Variants in CBFA2T2 observed in about 807,000 individuals in gnomAD.
CBFA2T2 encodes the protein CBFA2/RUNX1 partner transcriptional co-repressor 2, also known as protein CBFA2T2.
In CBFA2T2, 11 loss-of-function variants were observed where a neutral mutation model predicts 62.2. That is an observed-to-expected ratio of 0.18 (90% CI 0.11 to 0.29). The LOEUF is 0.29. CBFA2T2 is among the 10% of genes least tolerant of loss of function. The probability of loss-of-function intolerance (pLI) is 1.00; values close to 1 mark genes in which losing one functional copy is unlikely to be tolerated. For missense variants in CBFA2T2, 592 were observed against 774.1 expected (o/e 0.76, Z 2.79); for synonymous variants, 295 against 287.5 (o/e 1.03, Z -0.27).
chr20:33,510,732 A>G (rs1445445838), intron 1 of CBFA2T2, among the ~76,000 whole-genome samples: 1 of 152,160 alleles, frequency 6.6e-6, no homozygotes, highest in Non-Finnish European at 1.5e-5. Context: ...CAATGGTTGA[A>G]CTAGTTTACA....
At position 33,631,550 on chromosome 20, in the gene CBFA2T2, A is replaced by T. The variant is rs1406843338; in HGVS notation, c.1228+1636A>T. Among the ~76,000 whole-genome samples, 3 of 152,356 alleles carry T rather than the reference A, an allele frequency of 2.0e-5. No individual in the cohort carries two copies. In the East Asian group the frequency reaches 5.8e-4, roughly 29 times the overall value. ...GTGAGCCAGTGGTTGCTGAGCCAAGATACAGCTCTTGCTGGAGTCATTCAG... is the reference window on the plus strand; with the variant it reads ...GTGAGCCAGTGGTTGCTGAGCCAAGTTACAGCTCTTGCTGGAGTCATTCAG... On this transcript the variant is annotated intron_variant, in intron 8 of 10. Transcript: ENST00000342704.
intron 1 of CBFA2T2, among the ~76,000 whole-genome samples, chr20:33,497,412 G>A (rs2011213766): frequency 6.6e-6 from 1 of 151,872 alleles, no homozygotes; most frequent in African/African-American, 2.4e-5. Context: ...GGGTATTACA[G>A]CTATCCCTTG....
chr20:33,633,038 C>T (rs956493248), intron 8 of CBFA2T2, among the ~76,000 whole-genome samples: 2 of 152,028 alleles, frequency 1.3e-5, no homozygotes, highest in African/African-American at 2.4e-5. Context: ...GGATTACAGA[C>T]ATAAGCTACC....
In CBFA2T2 at chr20:33,611,267, C is replaced by G. The variant is rs1263149354; in HGVS notation, c.352C>G (p.Gln118Glu). 1.2e-6 allele frequency: 2 copies of G among 1,614,202 alleles called. No individual in the cohort carries two copies. Among genetic ancestry groups the G allele is most frequent in the Non-Finnish European group, 1.7e-6 (2 of 1,180,036 alleles). The part of the protein sequence containing the change: ...SKLKRFLTTL[Q>E]QFGNDISPEI... ...GTTGAAACGCTTTCTTACCACTCTG[C>G]AACAGTTTGGCAATGACATCTCCCC... The change falls in exon 3 of 11, where the codon CAA becomes GAA. Residue 118 changes from glutamine to glutamate, a missense_variant. Gln to Glu is a conservative substitution (Grantham distance 29). Around this residue, in one of 3 missense-constraint regions of CBFA2T2, gnomAD observed 449 missense variants for 551.2 expected, o/e 0.81. Coordinates refer to ENST00000342704, the MANE Select transcript of CBFA2T2 (RefSeq NM_001032999.3).
At chr20:33,626,019 G>A (rs531298061) in intron 6 of CBFA2T2, among the ~76,000 whole-genome samples, 4 of 152,092 alleles carry the variant, frequency 2.6e-5, no homozygotes, top group African/African-American at 4.8e-5. Flanking sequence ...GGAGAATGGC[G>A]TGAACCCAGA....
At chr20:33,584,290 G>C (rs1243378005) in intron 1 of CBFA2T2, among the ~76,000 whole-genome samples, 1 of 139,878 alleles carries the variant, frequency 7.1e-6, no homozygotes, top group African/African-American at 2.7e-5. Flanking sequence ...TTTTGAGACA[G>C]AGTCTCACTC....
intron 9 of CBFA2T2, chr20:33,638,597 A>AT (rs2016713591): frequency 2.0e-5 from 3 of 152,230 alleles, no homozygotes; most frequent in African/African-American, 7.2e-5. Flanking sequence ...CAGAGCCATA[A>AT]GATGGAAAGT....
At chr20:33,539,285 T>C (rs2012347184) in intron 1 of CBFA2T2, among the ~76,000 whole-genome samples, 1 of 152,252 alleles carries the variant, frequency 6.6e-6, no homozygotes, top group African/African-American at 2.4e-5. Flanking sequence ...GCCATGTGCC[T>C]GCAACACAGT....
At chr20:33,538,841 GTTGT>G (rs1171825517) in intron 1 of CBFA2T2, among the ~76,000 whole-genome samples, 8 of 146,070 alleles carry the variant, frequency 5.5e-5, no homozygotes, top group South Asian at 4.3e-4. Flanking sequence ...TTATCATATT[GTTGT>G]TTGTTTTTTT....
chr20:33,522,404 T>C (rs2011754549), intron 1 of CBFA2T2, among the ~76,000 whole-genome samples: 1 of 146,878 alleles, frequency 6.8e-6, no homozygotes, highest in South Asian at 2.1e-4. Flanking sequence ...CTAGTGTACA[T>C]GATCTCAGCT....
intron 1 of CBFA2T2, chr20:33,574,370 A>G: frequency 2.1e-6 from 2 of 971,252 alleles, no homozygotes; most frequent in Non-Finnish European, 3.0e-6. Context: ...TCACGCCTGT[A>G]ATCCCAGCAC....
chr20:33,570,966 C>A (rs982648077), intron 1 of CBFA2T2, among the ~76,000 whole-genome samples: 4 of 152,182 alleles, frequency 2.6e-5, no homozygotes, highest in Non-Finnish European at 5.9e-5. Flanking sequence ...TTTGTCGGGG[C>A]CCCAGGCTTC....
intron 10 of CBFA2T2, among the ~76,000 whole-genome samples, chr20:33,642,102 TGTC>T: frequency 9.9e-6 from 1 of 101,332 alleles, no homozygotes; most frequent in Non-Finnish European, 1.8e-5. Flanking sequence ...CCTCCTCCTT[TGTC>T]TTTTTTTTTT....
At chr20:33,494,038 A>G (rs1036117208) in intron 1 of CBFA2T2, among the ~76,000 whole-genome samples, 16 of 148,820 alleles carry the variant, frequency 1.1e-4, no homozygotes, top group African/African-American at 4.0e-4. Context: ...GTATGGCACC[A>G]CCCCTGGTAA....
intron 1 of CBFA2T2, among the ~76,000 whole-genome samples, chr20:33,554,631 A>T (rs1600964133): frequency 1.5e-4 from 5 of 33,554 alleles, no homozygotes; most frequent in Non-Finnish European, 1.7e-4. Context: ...TTTGAGATGG[A>T]GTTTCGCTTT....
chr20:33,612,332 TC>T (rs998612568), intron 3 of CBFA2T2, among the ~76,000 whole-genome samples: 2 of 152,218 alleles, frequency 1.3e-5, no homozygotes, highest in African/African-American at 4.8e-5. Flanking sequence ...CATTCTGTGC[TC>T]CTTTGTGTAT....
At chr20:33,508,183 C>G (rs2011436277) in intron 1 of CBFA2T2, among the ~76,000 whole-genome samples, 1 of 152,120 alleles carries the variant, frequency 6.6e-6, no homozygotes, top group South Asian at 2.1e-4. Flanking sequence ...CAACCTCCGC[C>G]TCCCGGGTTT....
chr20:33,631,796 T>A (rs2016462126), intron 8 of CBFA2T2, among the ~76,000 whole-genome samples: 1 of 152,244 alleles, frequency 6.6e-6, no homozygotes, highest in Non-Finnish European at 1.5e-5. Flanking sequence ...GTTTGGTTTC[T>A]GACAGCACTA....
chr20:33,570,410 G>GT (rs1380007221), intron 1 of CBFA2T2, among the ~76,000 whole-genome samples: 2 of 152,238 alleles, frequency 1.3e-5, no homozygotes, highest in African/African-American at 4.8e-5. Flanking sequence ...TAGGTTAGGA[G>GT]TTGTAGTATT....
Sources: gnomAD v4.1 joint callset for allele counts (sites outside exome capture counted in the v4.1 genomes callset) on GRCh38, gnomAD v4.1.1 for gene constraint, gnomAD v4.1.1 regional missense constraint, MANE v1.5 for transcripts, NCBI Gene and HGNC (gene_info 2026-07-23, HGNC 2026-07-21) for gene names.